Variants in PIGF observed in about 807,000 individuals in gnomAD.
The protein encoded by PIGF is GPI ethanolamine phosphate transferase, stabilizing subunit.
A neutral mutation model predicts 26.0 loss-of-function variants in PIGF; 23 were observed. That is an observed-to-expected ratio of 0.88 (90% CI 0.64 to 1.25). The LOEUF is 1.25. Ranked by LOEUF, PIGF falls within the 50% of genes most tolerant of loss-of-function variation. PIGF has a pLI of 0.00. For synonymous variants in PIGF, 93 were observed against 92.6 expected (o/e 1.00, Z -0.03); for missense variants, 278 against 249.9 (o/e 1.11, Z -0.76).
rs780985258 is a variant in PIGF at position 46,581,572 on chromosome 2, G to A, written c.566C>T (p.Thr189Met). The A allele has an allele frequency of 3.3e-5, 53 of 1,611,152 alleles. No homozygotes were observed. The highest frequency in any genetic ancestry group is 2.2e-4 in the Middle Eastern group (1 of 4,446). Reference protein sequence around the residue: ...RPWQVWPISCTLGATFGYVAG... With the variant: ...RPWQVWPISCMLGATFGYVAG... ...CACGTAGCCAAAGGTCGCTCCAAGCGTACAGGAGATGGGCCATACCTGAGG... is the reference window on the plus strand; with the variant it reads ...CACGTAGCCAAAGGTCGCTCCAAGCATACAGGAGATGGGCCATACCTGAGG... The change falls in exon 6 of 6, where the codon ACG (threonine) becomes ATG (methionine). Residue 189 changes from threonine (T) to methionine (M), a missense_variant. Physicochemically the swap from Thr to Met is moderately conservative, Grantham distance 81. Transcript: ENST00000281382.
At chr2:46,592,079 C>T (rs771238258) in intron 5 of PIGF, among the ~76,000 whole-genome samples, 8 of 152,060 alleles carry the variant, frequency 5.3e-5, no homozygotes, top group Non-Finnish European at 8.8e-5. Flanking sequence ...TGGCTGGGCT[C>T]GGTGGCACAC....
intron 4 of PIGF, among the ~76,000 whole-genome samples, chr2:46,601,058 TAATA>T (rs1401559644): frequency 3.9e-5 from 6 of 152,064 alleles, no homozygotes; most frequent in Admixed American, 3.3e-4. Flanking sequence ...CATTATTTTG[TAATA>T]AATAAGATAA....
intron 5 of PIGF, among the ~76,000 whole-genome samples, chr2:46,585,816 C>T (rs1160854044): frequency 2.6e-5 from 4 of 152,090 alleles, no homozygotes; most frequent in Admixed American, 2.6e-4. Flanking sequence ...CTCTGTCGCC[C>T]AGGCTGGAGT....
chr2:46,592,043 A>G (rs1193096708), intron 5 of PIGF: 7 of 1,149,634 alleles, frequency 6.1e-6, no homozygotes, highest in Non-Finnish European at 8.1e-6. Context: ...TGCAGCTATT[A>G]ACCTAGTTTT....
At chr2:46,583,293 G>T (rs914235228) in intron 5 of PIGF, among the ~76,000 whole-genome samples, 1 of 152,150 alleles carries the variant, frequency 6.6e-6, no homozygotes, top group Non-Finnish European at 1.5e-5. Flanking sequence ...CCTGTTTCTT[G>T]ACTGGGATTT....
At position 46,593,567 on chromosome 2, in the gene PIGF, A is replaced by G. The variant is rs145327752; in HGVS notation, c.438-984T>C. On this transcript the variant is annotated intron_variant, in intron 4 of 5. Transcript: ENST00000281382. Reference sequence around the variant, plus strand: ...CCTACCGTTCCTATTTACTAAGTGCACATCTGAGAGTGTAAAGGTGGAAAG... The same window carrying G: ...CCTACCGTTCCTATTTACTAAGTGCGCATCTGAGAGTGTAAAGGTGGAAAG... Among the ~76,000 whole-genome samples, 684 of 152,342 alleles carry G rather than the reference A, an allele frequency of 4.5e-3. 5 individuals carry two copies. Among genetic ancestry groups the G allele is most frequent in the African/African-American group, 0.016 (666 of 41,580 alleles).
In PIGF at chr2:46,617,012, T is replaced by C. The variant is rs1467182648; in HGVS notation, c.-64A>G. On this transcript the variant is annotated 5_prime_UTR_variant, in exon 1 of 6. Transcript: ENST00000281382. ...GGAAGGGAAGCGGGGAACTACTGCC[T>C]CCTACCATCAGGTACGACGGGCGGC... The C allele has an allele frequency of 1.7e-6, 1 of 578,144 alleles. No individual in the cohort carries two copies. Among genetic ancestry groups the C allele is most frequent in the Non-Finnish European group, 3.1e-6 (1 of 325,068 alleles). The allele number at this position is 578,144 out of a possible 1,614,324, so 35.8% of individuals were successfully genotyped here.
At position 46,581,226 on chromosome 2, in the gene PIGF, G is replaced by A. The variant is rs572259148; in HGVS notation, c.*252C>T. Reference sequence around the variant, plus strand: ...AAACCTGTCCTCAGAATTCTATAAAGTGTATTAAGAATGTTCCTTAAAGGT... The same window carrying A: ...AAACCTGTCCTCAGAATTCTATAAAATGTATTAAGAATGTTCCTTAAAGGT... On this transcript the variant is annotated 3_prime_UTR_variant, in exon 6 of 6. Transcript: ENST00000281382. 5.1e-6 allele frequency: 5 copies of A among 977,422 alleles called. No individual in the cohort carries two copies. The South Asian group carries it at 9.6e-5, about 19-fold the overall frequency. The allele number at this position is 977,422 out of a possible 1,614,324, so 60.5% of individuals were successfully genotyped here.
At chr2:46,598,404 C>G (rs1426233895) in intron 4 of PIGF, among the ~76,000 whole-genome samples, 1 of 152,102 alleles carries the variant, frequency 6.6e-6, no homozygotes, top group Non-Finnish European at 1.5e-5. Flanking sequence ...CTAGGCAAAT[C>G]TACAGAGATA....
chr2:46,611,597 A>T (rs1409611879), intron 4 of PIGF, among the ~76,000 whole-genome samples: 2 of 152,218 alleles, frequency 1.3e-5, no homozygotes, highest in Non-Finnish European at 2.9e-5. Flanking sequence ...CTGGGTGATA[A>T]ATAGGAAAGA....
intron 4 of PIGF, among the ~76,000 whole-genome samples, chr2:46,593,448 C>T (rs1669785731): frequency 6.6e-6 from 1 of 152,170 alleles, no homozygotes; most frequent in East Asian, 1.9e-4. Context: ...GTCTTTCTTA[C>T]AGCACACTTC....
chr2:46,585,151 T>C (rs1238860433), intron 5 of PIGF, among the ~76,000 whole-genome samples: 14 of 152,220 alleles, frequency 9.2e-5, no homozygotes, highest in African/African-American at 3.4e-4. Context: ...CAAATTATGG[T>C]AATCTGAGAT....
chr2:46,614,201 G>C (rs899184072), intron 2 of PIGF: 1 of 152,968 alleles, frequency 6.5e-6, no homozygotes, highest in African/African-American at 2.4e-5. Context: ...AAATTCCTGG[G>C]AAAACTGCAC....
chr2:46,595,571 A>C (rs1558703254), intron 4 of PIGF, among the ~76,000 whole-genome samples: 1 of 152,176 alleles, frequency 6.6e-6, no homozygotes, highest in African/African-American at 2.4e-5. Context: ...TTTATGCACA[A>C]GTTTCTGTGT....
chr2:46,592,755 A>G (rs1452462469), intron 4 of PIGF, among the ~76,000 whole-genome samples, 172 bp from the exon 5 acceptor site: 1 of 152,266 alleles, frequency 6.6e-6, no homozygotes, highest in East Asian at 1.9e-4. Context: ...AATTGGTAAG[A>G]AGATGTAAAT....
Position 46,587,422 on chromosome 2 carries a change from T to C in PIGF, c.546+5053A>G, listed in dbSNP as rs183121725. 4.7e-4 allele frequency among the ~76,000 whole-genome samples: 70 copies of C among 150,478 alleles called. 1 individual carries two copies. The highest frequency in any genetic ancestry group is 9.2e-4 in the Non-Finnish European group (62 of 67,594). On this transcript the variant is annotated intron_variant, in intron 5 of 5. Transcript: ENST00000281382. Reference sequence around the variant, plus strand: ...ATACATATTTCACAAATACTAGATTTCTAACGTGGTAAAACTGAAAAAAAA... The same window carrying C: ...ATACATATTTCACAAATACTAGATTCCTAACGTGGTAAAACTGAAAAAAAA...
intron 2 of PIGF, 112 bp from the exon 3 acceptor site, chr2:46,613,897 A>G: frequency 1.1e-6 from 1 of 893,946 alleles, no homozygotes; most frequent in Non-Finnish European, 1.7e-6. Context: ...AACAGTTCAA[A>G]TGTTCTTGGG....
At chr2:46,604,727 G>A (rs2104115933) in intron 4 of PIGF, among the ~76,000 whole-genome samples, 1 of 151,938 alleles carries the variant, frequency 6.6e-6, no homozygotes, top group South Asian at 2.1e-4. Context: ...AGTAGTGGGG[G>A]TGGGGGGTGC....
intron 5 of PIGF, among the ~76,000 whole-genome samples, chr2:46,590,330 A>C (rs1669689091): frequency 6.6e-6 from 1 of 152,168 alleles, no homozygotes; most frequent in South Asian, 2.1e-4. Flanking sequence ...AAGCCTGAAC[A>C]ATCCCAAAAT....
Sources: gnomAD v4.1 joint callset for allele counts (sites outside exome capture counted in the v4.1 genomes callset) on GRCh38, gnomAD v4.1.1 for gene constraint, MANE v1.5 for transcripts, NCBI Gene and HGNC (gene_info 2026-07-23, HGNC 2026-07-21) for gene names.